ENTREP2: variants seen among roughly 807,000 people sequenced by gnomAD.
ENTREP2 encodes endosomal transmembrane epsin interactor 2, also known as protein ENTREP2.
the ENTREP2 span, chr15:29,374,580 G>A: frequency 6.6e-6 from 1 of 150,648 alleles, no homozygotes; most frequent in Non-Finnish European, 1.5e-5. Context: ...CCTATTTTTG[G>A]TTCTTTGCAT....
the ENTREP2 span, chr15:29,268,702 C>T: frequency 1.0e-5 from 14 of 1,352,220 alleles, no homozygotes; most frequent in Non-Finnish European, 1.4e-5. Flanking sequence ...GCAATATGCT[C>T]CCTGGGTTCG....
At chr15:29,122,029 C>G in the ENTREP2 span, 1 of 152,362 alleles carries the variant, frequency 6.6e-6, no homozygotes. Context: ...CCTCTGGTCC[C>G]CCTGCGCCCC....
the ENTREP2 span, among the ~76,000 whole-genome samples, chr15:29,446,020 GA>G: frequency 2.0e-5 from 3 of 152,150 alleles, no homozygotes; most frequent in Non-Finnish European, 2.9e-5. Flanking sequence ...GTGAGGGCTG[GA>G]AAAACTGTGT....
the ENTREP2 span, among the ~76,000 whole-genome samples, chr15:29,536,339 A>T: frequency 6.6e-6 from 1 of 152,226 alleles, no homozygotes; most frequent in Non-Finnish European, 1.5e-5. Flanking sequence ...TCTTACCAGC[A>T]GAGCAGAAAG....
chr15:29,215,903 C>G, the ENTREP2 span, among the ~76,000 whole-genome samples: 1 of 152,034 alleles, frequency 6.6e-6, no homozygotes, highest in Non-Finnish European at 1.5e-5. Context: ...CTTATCTATT[C>G]TGTGGTTCTG....
the ENTREP2 span, among the ~76,000 whole-genome samples, chr15:29,313,355 G>A: frequency 6.6e-6 from 1 of 152,208 alleles, no homozygotes; most frequent in Admixed American, 6.5e-5. Context: ...GCTAAAGAGG[G>A]AAAGATGACG....
the ENTREP2 span, among the ~76,000 whole-genome samples, chr15:29,347,305 G>A: frequency 6.6e-6 from 1 of 152,136 alleles, no homozygotes; most frequent in South Asian, 2.1e-4. Context: ...TGGGACTATA[G>A]GCCCATGCCA....
At chr15:29,303,451 G>T in the ENTREP2 span, among the ~76,000 whole-genome samples, 24,613 of 151,558 alleles carry the variant, frequency 0.16, 3,322 homozygotes, top group African/African-American at 0.38. Flanking sequence ...ATGACACTGG[G>T]TTTTTTTTCA....
chr15:29,640,746 A>G, the ENTREP2 span, among the ~76,000 whole-genome samples: 1 of 152,230 alleles, frequency 6.6e-6, no homozygotes, highest in Non-Finnish European at 1.5e-5. Flanking sequence ...AATTCTACCA[A>G]ACATTTACTA....
At chr15:29,119,136 G>A in the ENTREP2 span, among the ~76,000 whole-genome samples, 1 of 152,208 alleles carries the variant, frequency 6.6e-6, no homozygotes, top group South Asian at 2.1e-4. Context: ...CTTTCAAGGC[G>A]CACACCAGCT....
At chr15:29,207,666 G>A in the ENTREP2 span, among the ~76,000 whole-genome samples, 4 of 152,110 alleles carry the variant, frequency 2.6e-5, no homozygotes, top group Non-Finnish European at 4.4e-5. Flanking sequence ...TGATTGGTGC[G>A]TTTTACAATC....
At chr15:29,542,093 C>G in the ENTREP2 span, among the ~76,000 whole-genome samples, 1 of 152,220 alleles carries the variant, frequency 6.6e-6, no homozygotes, top group Non-Finnish European at 1.5e-5. Flanking sequence ...ACTGCAACCT[C>G]TGCCTCCCAG....
chr15:29,122,078 T>G, the ENTREP2 span: 20 of 152,308 alleles, frequency 1.3e-4, 1 homozygote, highest in African/African-American at 4.8e-4. Context: ...GACCTTGGCC[T>G]CTAGGCTGTT....
chr15:29,529,030 C>T, the ENTREP2 span, among the ~76,000 whole-genome samples: 52,085 of 149,800 alleles, frequency 0.35, 9,191 homozygotes, highest in East Asian at 0.41. Flanking sequence ...TTTCTAGCCC[C>T]TCCCCAGCCA....
At chr15:29,358,743 G>GA in the ENTREP2 span, among the ~76,000 whole-genome samples, 6 of 149,390 alleles carry the variant, frequency 4.0e-5, no homozygotes, top group African/African-American at 9.8e-5. Flanking sequence ...GTATTTATCA[G>GA]AAAAAAAAAC....
the ENTREP2 span, among the ~76,000 whole-genome samples, chr15:29,336,028 G>A: frequency 6.6e-6 from 1 of 150,622 alleles, no homozygotes; most frequent in Non-Finnish European, 1.5e-5. Flanking sequence ...TGTAGTCCCA[G>A]CTGCTCAAGA....
chr15:29,414,661 G>A, the ENTREP2 span, among the ~76,000 whole-genome samples: 1 of 152,310 alleles, frequency 6.6e-6, no homozygotes, highest in African/African-American at 2.4e-5. Flanking sequence ...GAGCAGAACT[G>A]AAGGAGATAG....
chr15:29,259,173 GA>G, the ENTREP2 span, among the ~76,000 whole-genome samples: 1 of 152,238 alleles, frequency 6.6e-6, no homozygotes, highest in Admixed American at 6.5e-5. Context: ...ACACAATGAG[GA>G]ATAAAATCTG....
chr15:29,331,936 G>A, the ENTREP2 span, among the ~76,000 whole-genome samples: 4 of 152,118 alleles, frequency 2.6e-5, no homozygotes, highest in Non-Finnish European at 4.4e-5. Flanking sequence ...GAGGGACACC[G>A]AATCATCCCC....
Sources: gnomAD v4.1 joint callset for allele counts (sites outside exome capture counted in the v4.1 genomes callset) on GRCh38, gnomAD v4.1.1 for gene constraint, MANE v1.5 for transcripts, NCBI Gene and HGNC (gene_info 2026-07-23, HGNC 2026-07-21) for gene names.